Variants in PSD3 observed in about 807,000 individuals in gnomAD.
PSD3 encodes the protein pleckstrin and Sec7 domain containing 3.
Under a neutral mutation model 105.5 loss-of-function variants are expected in PSD3, and 49 were observed. The observed-to-expected ratio is 0.46, with a 90% confidence interval of 0.37 to 0.59. PSD3 has a LOEUF of 0.59. Ranked by LOEUF, PSD3 falls within the 20% of genes least tolerant of loss-of-function variation. PSD3 has a pLI of 0.00. For synonymous variants in PSD3, 557 were observed against 457.8 expected, an observed-to-expected ratio of 1.22 and a Z score of -2.77; for missense variants, 1,561 against 1,263.8, an observed-to-expected ratio of 1.24 and a Z score of -3.57.
intron 9 of PSD3, among the ~76,000 whole-genome samples, chr8:18,705,943 G>C (rs1054680354): frequency 6.6e-5 from 10 of 152,056 alleles, no homozygotes; most frequent in Non-Finnish European, 1.0e-4. Flanking sequence ...CTACTCCCAA[G>C]GTTTCCCAAG....
At chr8:18,555,013 G>A (rs1585229297) in intron 15 of PSD3, among the ~76,000 whole-genome samples, 1 of 152,082 alleles carries the variant, frequency 6.6e-6, no homozygotes, top group Non-Finnish European at 1.5e-5. Context: ...GAAACGTGGA[G>A]ACGCCAAATC....
At chr8:18,818,440 C>T (rs1188941699) in intron 4 of PSD3, among the ~76,000 whole-genome samples, 3 of 151,916 alleles carry the variant, frequency 2.0e-5, no homozygotes, top group Admixed American at 6.6e-5. Context: ...ACCTGTAAGG[C>T]GAGGAGGGTG....
intron 9 of PSD3, among the ~76,000 whole-genome samples, chr8:18,673,195 C>A (rs1799881686): frequency 6.7e-6 from 1 of 149,780 alleles, no homozygotes; most frequent in Admixed American, 6.7e-5. Context: ...TTAACACACA[C>A]ACCCATCCAC....
At chr8:18,845,659 G>A (rs1448178855) in intron 4 of PSD3, among the ~76,000 whole-genome samples, 1 of 152,166 alleles carries the variant, frequency 6.6e-6, no homozygotes, top group African/African-American at 2.4e-5. Flanking sequence ...AGAAGAGGGT[G>A]GGTGTGGTGG....
chr8:18,534,522 G>A lies in PSD3; in HGVS notation c.*1221C>T, dbSNP rs901427543. On this transcript the variant is annotated 3_prime_UTR_variant, in exon 16 of 16. Coordinates refer to ENST00000327040, the MANE Select transcript of PSD3 (RefSeq NM_015310.4). ...TGAAGTATTTTTAGGAGAAAGTTGA[G>A]TAGTAGCAGAGTGAAGTGGCTATCA... The A allele has an allele frequency of 6.6e-6, 1 of 152,390 alleles. No homozygotes were observed. The highest frequency in any genetic ancestry group is 2.4e-5 in the African/African-American group (1 of 41,444). 9.4% of individuals were successfully genotyped at this position (152,390 alleles called of 1,614,324 possible). A position where few individuals can be genotyped will look rare whatever the true frequency, so the allele number is the denominator to read the frequency against.
chr8:18,668,023 C>T (rs1271744439), intron 9 of PSD3, among the ~76,000 whole-genome samples: 1 of 152,236 alleles, frequency 6.6e-6, no homozygotes, highest in Non-Finnish European at 1.5e-5. Context: ...CGCGCTGGCC[C>T]GCAAGCTCCG....
chr8:18,949,244 A>AAAAAAAAAATATAT (rs1345423514), intron 1 of PSD3, among the ~76,000 whole-genome samples: 13 of 14,398 alleles, frequency 9.0e-4, no homozygotes, highest in Non-Finnish European at 1.4e-3. Context: ...AAAAAAAAAA[A>AAAAAAAAAATATAT]ATATATATAT....
intron 1 of PSD3, among the ~76,000 whole-genome samples, chr8:19,068,440 C>T (rs1275948549): frequency 6.6e-6 from 1 of 152,096 alleles, no homozygotes; most frequent in Admixed American, 6.6e-5. Context: ...CAGGTGTACA[C>T]CACAATGTCT....
Position 18,775,026 on chromosome 8 carries a change from T to G in PSD3, c.2083-9488A>C, listed in dbSNP as rs111603582. 3.0e-3 allele frequency: 1,350 copies of G among 453,672 alleles called. 9 individuals carry two copies. The highest frequency in any genetic ancestry group is 0.025 in the African/African-American group (1,260 of 50,104). The allele number at this position is 453,672 out of a possible 1,614,324, so 28.1% of individuals were successfully genotyped here. On this transcript the variant is annotated intron_variant, in intron 8 of 15. Coordinates refer to ENST00000327040, the MANE Select transcript of PSD3 (RefSeq NM_015310.4). ...AAATCCCCTGTGCCCCTCCTCCTCC[T>G]ACCTTCTGGTAACCACCAATCTACT...
intron 11 of PSD3, among the ~76,000 whole-genome samples, chr8:18,612,374 C>T (rs1334745670): frequency 5.4e-5 from 7 of 130,266 alleles, no homozygotes; most frequent in African/African-American, 2.1e-4. Context: ...GTTACTGATG[C>T]ATTTTTTTTT....
At chr8:18,998,229 G>A (rs868192183) in intron 1 of PSD3, among the ~76,000 whole-genome samples, 12 of 152,072 alleles carry the variant, frequency 7.9e-5, no homozygotes, top group East Asian at 1.9e-4. Context: ...TTCAGATACC[G>A]TGGAAAAGAC....
Position 18,531,128 on chromosome 8 carries a change from T to G in PSD3, c.*4615A>C, listed in dbSNP as rs757768347. ...ATGACTGACATACTGCCTGTAAGAA[T>G]AGTCTCCAAAAGCCTGCAATACTAC... is the stretch of plus-strand genomic sequence containing the variant. On this transcript the variant is annotated 3_prime_UTR_variant, in exon 16 of 16. Coordinates refer to ENST00000327040, the MANE Select transcript of PSD3 (RefSeq NM_015310.4). 6.6e-6 allele frequency: 1 copy of G among 152,612 alleles called. No individual in the cohort carries two copies. The highest frequency in any genetic ancestry group is 1.5e-5 in the Non-Finnish European group (1 of 68,030). 9.5% of individuals were successfully genotyped at this position (152,612 alleles called of 1,614,324 possible). A position where few individuals can be genotyped will look rare whatever the true frequency, so the allele number is the denominator to read the frequency against.
At chr8:19,009,611 C>G (rs1195499523) in intron 1 of PSD3, among the ~76,000 whole-genome samples, 1 of 152,154 alleles carries the variant, frequency 6.6e-6, no homozygotes, top group Non-Finnish European at 1.5e-5. Flanking sequence ...AGGACTTGGC[C>G]GGGCCTGGTG....
intron 11 of PSD3, among the ~76,000 whole-genome samples, chr8:18,625,257 T>A (rs928757112): frequency 1.3e-5 from 2 of 151,930 alleles, no homozygotes; most frequent in Non-Finnish European, 2.9e-5. Context: ...TTGCTTCTAA[T>A]TATCTGACTT....
intron 1 of PSD3, among the ~76,000 whole-genome samples, chr8:19,068,974 C>G (rs550396131): frequency 1.3e-5 from 2 of 152,200 alleles, no homozygotes; most frequent in South Asian, 4.1e-4. Flanking sequence ...GGCTCCCCTC[C>G]CCCAAATCCT....
At chr8:18,654,736 A>G (rs926036403) in intron 10 of PSD3, among the ~76,000 whole-genome samples, 3 of 152,150 alleles carry the variant, frequency 2.0e-5, no homozygotes, top group African/African-American at 7.2e-5. Context: ...TTGGCATTGG[A>G]TAAGCTCCTA....
intron 9 of PSD3, among the ~76,000 whole-genome samples, chr8:18,711,657 T>G (rs1010959381): frequency 1.3e-5 from 2 of 152,124 alleles, no homozygotes; most frequent in Non-Finnish European, 1.5e-5. Flanking sequence ...ACAAAGAGAC[T>G]TAGACTCCCA....
intron 2 of PSD3, among the ~76,000 whole-genome samples, chr8:18,910,776 T>C (rs952413697): frequency 1.2e-4 from 18 of 151,336 alleles, no homozygotes; most frequent in African/African-American, 2.4e-4. Flanking sequence ...AAAAATCATA[T>C]AGTTTAGTGG....
chr8:19,034,663 T>A (rs1827883867), intron 1 of PSD3, among the ~76,000 whole-genome samples: 1 of 151,968 alleles, frequency 6.6e-6, no homozygotes, highest in African/African-American at 2.4e-5. Flanking sequence ...TGGCTTAGAG[T>A]GGTTAGGTAG....
Sources: gnomAD v4.1 joint callset for allele counts (sites outside exome capture counted in the v4.1 genomes callset) on GRCh38, gnomAD v4.1.1 for gene constraint, MANE v1.5 for transcripts, NCBI Gene and HGNC (gene_info 2026-07-23, HGNC 2026-07-21) for gene names.